Variants in VPS11 observed in about 807,000 individuals in gnomAD.
VPS11 encodes the protein vacuolar protein sorting-associated protein 11 homolog.
In VPS11, 51 loss-of-function variants were observed where a neutral mutation model predicts 106.8. That is an observed-to-expected ratio of 0.48 (90% CI 0.38 to 0.60). The LOEUF (loss-of-function observed/expected upper bound fraction) is 0.60. Ranked by LOEUF, VPS11 falls within the 20% of genes least tolerant of loss-of-function variation. The pLI is 0.00. For missense variants in VPS11, 950 were observed against 1,190.0 expected, an observed-to-expected ratio of 0.80 and a Z score of 2.97; for synonymous variants, 453 against 458.7, an observed-to-expected ratio of 0.99 and a Z score of 0.16.
intron 14 of VPS11, among the ~76,000 whole-genome samples, chr11:119,080,414 G>A (rs1411080089): frequency 1.3e-5 from 2 of 150,500 alleles, no homozygotes; most frequent in Admixed American, 6.7e-5. Context: ...TGTCCCCCAC[G>A]CTGGAGTGTG....
Position 119,069,214 on chromosome 11 carries a change from G to C in VPS11, c.206G>C (p.Trp69Ser). 6.2e-7 allele frequency: 1 copy of C among 1,613,934 alleles called. No homozygotes were observed. The highest frequency in any genetic ancestry group is 8.5e-7 in the Non-Finnish European group (1 of 1,179,870). The change falls in exon 2 of 16, where the codon TGG (tryptophan) becomes TCG (serine). Residue 69 changes from tryptophan to serine, a missense_variant. By Grantham distance (177) the Trp-to-Ser change is radical. Around this residue, in one of 3 missense-constraint regions of VPS11, gnomAD observed 435 missense variants for 630.2 expected, o/e 0.69. Transcript: ENST00000621676. ...LVFGDMEGQI[W>S]FLPRSLQLTG... ...CCTGCACATATGGAAGGCCAGATCT[G>C]GTTCTTGCCACGTTCCCTACAGCTT...
Position 119,078,708 on chromosome 11 carries a change from A to T in VPS11, c.2063+4A>T. Reference sequence around the variant, plus strand: ...ACCTTTATGAGCAGGGGAAGCTGTAAGAGTTTGGGGAATTTCAGGGAAAGG... The same window carrying T: ...ACCTTTATGAGCAGGGGAAGCTGTATGAGTTTGGGGAATTTCAGGGAAAGG... On this transcript the variant is annotated splice_donor_region_variant and intron_variant, in intron 12 of 15. Transcript: ENST00000621676. 6.2e-7 allele frequency: 1 copy of T among 1,610,810 alleles called. No homozygotes were observed. The highest frequency in any genetic ancestry group is 8.5e-7 in the Non-Finnish European group (1 of 1,177,926).
chr11:119,069,007 C>CGT (rs782640010), intron 1 of VPS11, among the ~76,000 whole-genome samples, 189 bp from the exon 2 acceptor site: 1 of 64,206 alleles, frequency 1.6e-5, no homozygotes, highest in Non-Finnish European at 3.4e-5. Context: ...CCCCCCCCCC[C>CGT]CCCCGGCCTC....
rs1192555062 is a variant in VPS11 at position 119,081,883 on chromosome 11, T to C, written c.*260T>C. 6.1e-6 allele frequency: 3 copies of C among 488,862 alleles called. No individual in the cohort carries two copies. Among genetic ancestry groups the C allele is most frequent in the Non-Finnish European group, 1.1e-5 (3 of 276,216 alleles). The allele number at this position is 488,862 out of a possible 1,614,324, so 30.3% of individuals were successfully genotyped here. A position where few individuals can be genotyped will look rare whatever the true frequency, so the allele number is the denominator to read the frequency against. ...CTCAGCAACCTCTGAGTGTGGACAATAGCTGCTTTCTTCTCTATCCAAGAG... is the reference window on the plus strand; with the variant it reads ...CTCAGCAACCTCTGAGTGTGGACAACAGCTGCTTTCTTCTCTATCCAAGAG... On this transcript the variant is annotated 3_prime_UTR_variant, in exon 16 of 16. Transcript: ENST00000621676.
intron 4 of VPS11, 132 bp from the exon 5 acceptor site, chr11:119,071,464 C>A (rs1945389054): frequency 1.1e-5 from 13 of 1,156,186 alleles, no homozygotes; most frequent in East Asian, 2.5e-5. Context: ...ATGAAGAAGG[C>A]CAGCAGCCAA....
intron 7 of VPS11, among the ~76,000 whole-genome samples, chr11:119,075,714 T>C (rs1945584218): frequency 6.6e-6 from 1 of 151,114 alleles, no homozygotes; most frequent in Non-Finnish European, 1.5e-5. Flanking sequence ...TAGCTGGGCA[T>C]GGTGGCGGGC....
chr11:119,078,100 G>C (rs962015767), intron 10 of VPS11, 34 bp downstream of exon 10: 2 of 1,608,976 alleles, frequency 1.2e-6, no homozygotes, highest in African/African-American at 2.7e-5. Flanking sequence ...TCAGACTGTG[G>C]GGATCACCTT....
At chr11:119,077,168 C>G (rs1945654855) in intron 8 of VPS11, 85 bp downstream of exon 8, 1 of 1,499,648 alleles carries the variant, frequency 6.7e-7, no homozygotes, top group Non-Finnish European at 9.0e-7. Flanking sequence ...TTCAGCAAGA[C>G]ATAGGGAGAG....
At chr11:119,072,989 G>C in intron 5 of VPS11, 1 of 586,044 alleles carries the variant, frequency 1.7e-6, no homozygotes, top group East Asian at 2.9e-5. Context: ...TCTGTTACTT[G>C]GGTTAATTGT....
Position 119,078,065 on chromosome 11 carries a change from G to A in VPS11, c.1760G>A (p.Arg587Lys), listed in dbSNP as rs1945699598. The A allele has an allele frequency of 6.2e-7, 1 of 1,610,472 alleles. No homozygotes were observed. Among genetic ancestry groups the A allele is most frequent in the Non-Finnish European group, 8.5e-7 (1 of 1,179,860 alleles). ...GRSDREAPGC[R>K]ANSEEFIPIF... The stretch of plus-strand genomic sequence containing the variant: ...AGCGATAGGGAGGCCCCAGGCTGCA[G>A]GGTGAGGCTGCAGGGAAAAGAGCTT... Residue 587 changes from arginine to lysine, a missense_variant and splice_region_variant, in exon 10 of 16, where the codon AGG becomes AAG. Transcript: ENST00000621676.
At chr11:119,073,653 T>G (rs1473491774) in intron 6 of VPS11, 147 bp from the exon 7 acceptor site, 1 of 939,736 alleles carries the variant, frequency 1.1e-6, no homozygotes, top group Non-Finnish European at 1.6e-6. Flanking sequence ...ATACTGATCT[T>G]GGGGATATCT....
Position 119,067,819 on chromosome 11 carries a change from C to T in VPS11, c.-5C>T, listed in dbSNP as rs1235135148. ...AGCTCCCGGAGGTGGGAGCCCTGGG[C>T]CAAAATGGCGGCCTACCTGCAGTGG... On this transcript the variant is annotated 5_prime_UTR_variant, in exon 1 of 16. Coordinates refer to ENST00000621676, the MANE Select transcript of VPS11 (RefSeq NM_021729.6). 1 of 1,538,506 alleles carries T rather than the reference C, an allele frequency of 6.5e-7. No individual in the cohort carries two copies. The highest frequency in any genetic ancestry group is 8.8e-7 in the Non-Finnish European group (1 of 1,138,316).
At chr11:119,068,078 G>C (rs990217114) in intron 1 of VPS11, 68 bp downstream of exon 1, 4 of 1,482,440 alleles carry the variant, frequency 2.7e-6, no homozygotes, top group South Asian at 1.3e-5. Flanking sequence ...GATGAAATCT[G>C]TTTGTCGGAG....
Position 119,081,788 on chromosome 11 carries a change from A to C in VPS11, c.*165A>C. On this transcript the variant is annotated 3_prime_UTR_variant, in exon 16 of 16. Transcript: ENST00000621676. Reference sequence around the variant, plus strand: ...GCGGACTTTCTTTCCCTGCCTTCTTATTTAGTCAGCTTGCCATCCCTCCTC... The same window carrying C: ...GCGGACTTTCTTTCCCTGCCTTCTTCTTTAGTCAGCTTGCCATCCCTCCTC... 2 of 959,252 alleles carry C rather than the reference A, an allele frequency of 2.1e-6. No homozygotes were observed. 59.4% of individuals were successfully genotyped at this position (959,252 alleles called of 1,614,324 possible).
chr11:119,068,080 T>G, intron 1 of VPS11, 70 bp downstream of exon 1: 1 of 1,479,992 alleles, frequency 6.8e-7, no homozygotes. Context: ...TGAAATCTGT[T>G]TGTCGGAGGG....
chr11:119,077,844 A>G (rs370760856), intron 9 of VPS11, 34 bp from the exon 10 acceptor site: 56 of 1,611,162 alleles, frequency 3.5e-5, no homozygotes, highest in Non-Finnish European at 4.5e-5. Flanking sequence ...CTGAGGCAGG[A>G]GTATACACTA....
Position 119,067,854 on chromosome 11 carries a change from G to A in VPS11, c.31G>A (p.Val11Ile). 5 of 1,559,426 alleles carry A rather than the reference G, an allele frequency of 3.2e-6. No homozygotes were observed. Among genetic ancestry groups the A allele is most frequent in the Non-Finnish European group, 3.5e-6 (4 of 1,150,656 alleles). The change falls in exon 1 of 16, where the codon GTT becomes ATT. Residue 11 changes from valine to isoleucine, a missense_variant. Physicochemically the swap from Val to Ile is conservative, Grantham distance 29. Transcript: ENST00000621676. ...GGCCTACCTGCAGTGGCGGCGCTTC[G>A]TTTTCTTCGACAAGGAGCTGGTGAA... is the stretch of plus-strand genomic sequence containing the variant. MAAYLQWRRF[V>I]FFDKELVKEP... is the part of the protein sequence containing the mutation.
In VPS11 at chr11:119,071,644, C is replaced by A; in HGVS notation, c.685C>A (p.His229Asn). The change falls in exon 5 of 16, where the codon CAT becomes AAT. Residue 229 changes from histidine (H) to asparagine (N), a missense_variant. Coordinates refer to ENST00000621676, the MANE Select transcript of VPS11 (RefSeq NM_021729.6). Reference protein sequence around the residue: ...KDYPRVELDTHGCGLRCSALS... With the variant: ...KDYPRVELDTNGCGLRCSALS... Reference sequence around the variant, plus strand: ...CTACCCTCGCGTGGAGTTGGACACCCATGGTTGTGGCCTGCGCTGCTCAGC... The same window carrying A: ...CTACCCTCGCGTGGAGTTGGACACCAATGGTTGTGGCCTGCGCTGCTCAGC... 1.2e-6 allele frequency: 2 copies of A among 1,614,014 alleles called. No individual in the cohort carries two copies. The highest frequency in any genetic ancestry group is 1.1e-5 in the South Asian group (1 of 91,088).
rs1945692420 is a variant in VPS11, at chr11:119,077,948, A to G, written c.1643A>G (p.Tyr548Cys). Residue 548 changes from tyrosine to cysteine, a missense_variant, in exon 10 of 16, where the codon TAC becomes TGC. This residue lies in a region of VPS11 where 453 missense variants were observed against 514.6 expected (regional missense o/e 0.88). Coordinates refer to ENST00000621676, the MANE Select transcript of VPS11 (RefSeq NM_021729.6). ...CAGGCAGAGAGCAACATGAAGCGCTACGGCAAGATCCTCATGCACCACATA... is the reference window on the plus strand; with the variant it reads ...CAGGCAGAGAGCAACATGAAGCGCTGCGGCAAGATCCTCATGCACCACATA... ...FEQAESNMKR[Y>C]GKILMHHIPE... 5 of 1,614,050 alleles carry G rather than the reference A, an allele frequency of 3.1e-6. No individual in the cohort carries two copies. The highest frequency in any genetic ancestry group is 4.2e-6 in the Non-Finnish European group (5 of 1,179,908).
Sources: allele counts gnomAD v4.1 joint callset (sites outside exome capture counted in the v4.1 genomes callset), GRCh38; gene constraint gnomAD v4.1.1; regional missense constraint gnomAD v4.1.1; transcripts MANE v1.5; gene names NCBI Gene and HGNC (gene_info 2026-07-23, HGNC 2026-07-21).